Variants in PLCB2 observed in about 807,000 individuals in gnomAD.
The protein encoded by PLCB2 is 1-phosphatidylinositol 4,5-bisphosphate phosphodiesterase beta-2.
PLCB2 carries 115 observed loss-of-function variants against 141.7 expected under a neutral mutation model. The observed-to-expected ratio is 0.81, with a 90% CI of 0.70 to 0.95. The LOEUF (loss-of-function observed/expected upper bound fraction) is 0.95, where lower values mean the gene tolerates loss of function less well. PLCB2 is among the 40% of genes least tolerant of loss of function. The probability of loss-of-function intolerance (pLI) is 0.00; values close to 1 mark genes in which losing one functional copy is unlikely to be tolerated. For missense variants in PLCB2, 1,403 were observed against 1,541.1 expected, an observed-to-expected ratio of 0.91 and a Z score of 1.50; for synonymous variants, 603 against 595.6, an observed-to-expected ratio of 1.01 and a Z score of -0.18.
downstream of PLCB2, chr15:40,284,487 C>G (rs1172477635): frequency 2.2e-6 from 1 of 455,942 alleles, no homozygotes; most frequent in Non-Finnish European, 4.4e-6. Flanking sequence ...GGAGAGGGCT[C>G]TCGGGCCTTT....
At chr15:40,299,983 T>C (rs184776910) in intron 7 of PLCB2, among the ~76,000 whole-genome samples, 1 of 152,158 alleles carries the variant, frequency 6.6e-6, no homozygotes, top group Non-Finnish European at 1.5e-5. Context: ...CACAATGAGA[T>C]ACCACTCCCA....
Position 40,307,585 on chromosome 15 carries a change from T to C in PLCB2, c.84+4A>G. 6.4e-7 allele frequency: 1 copy of C among 1,574,270 alleles called. No individual in the cohort carries two copies. The highest frequency in any genetic ancestry group is 8.7e-7 in the Non-Finnish European group (1 of 1,154,522). On this transcript the variant is annotated splice_donor_region_variant and intron_variant, in intron 1 of 31. Transcript: ENST00000260402. ...CCAGCAGCTGAGGCCCCTGCCCCAC[T>C]TACATCATCCCATTTGATGAAGCGC...
Position 40,288,694 on chromosome 15 carries a change from T to C in PLCB2, c.*21A>G, listed in dbSNP as rs1341523980. The C allele has an allele frequency of 6.4e-7, 1 of 1,552,326 alleles. No individual in the cohort carries two copies. The highest frequency in any genetic ancestry group is 1.7e-4 in the Middle Eastern group (1 of 5,770). On this transcript the variant is annotated 3_prime_UTR_variant, in exon 32 of 32. Transcript: ENST00000260402. ...GAAGGGGCTGAACCTCCTTGCTAAATGTCCCAGTGGGATGGGGGCATCAGA... is the reference window on the plus strand; with the variant it reads ...GAAGGGGCTGAACCTCCTTGCTAAACGTCCCAGTGGGATGGGGGCATCAGA...
At chr15:40,296,443 G>C (rs74699510) in intron 15 of PLCB2, 51 bp from the exon 16 acceptor site, 2 of 1,613,210 alleles carry the variant, frequency 1.2e-6, no homozygotes, top group East Asian at 2.2e-5. Context: ...CAGAGCCCAG[G>C]AATGGGGCCC....
rs2040356315 is a variant in PLCB2, at chr15:40,298,654, A to G, written c.905T>C (p.Val302Ala). 1.2e-6 allele frequency: 2 copies of G among 1,614,178 alleles called. No homozygotes were observed. The highest frequency in any genetic ancestry group is 4.5e-5 in the East Asian group (2 of 44,888). Residue 302 changes from valine to alanine, a missense_variant, in exon 10 of 32, where the codon GTG (valine) becomes GCG (alanine). Physicochemically the swap from Val to Ala is moderately conservative, Grantham distance 64. Around this residue, in one of 4 missense-constraint regions of PLCB2, gnomAD observed 975 missense variants for 1,141.1 expected, o/e 0.85. Transcript: ENST00000260402. ...GAGCAGCAGCTTGTCCTGGGCCAGC[A>G]CGCTGTTCTCTGGCCCACAGAGAAA... ...VWFLCGPENS[V>A]LAQDKLLLHH... is the part of the protein sequence containing the mutation.
intron 7 of PLCB2, 160 bp from the exon 8 acceptor site, chr15:40,299,388 G>A (rs2141130145): frequency 1.7e-6 from 1 of 586,588 alleles, no homozygotes; most frequent in Non-Finnish European, 3.1e-6. Context: ...CAAGGCCCTG[G>A]TTGCTGAGCA....
chr15:40,306,948 A>T (rs1297037036), intron 1 of PLCB2, among the ~76,000 whole-genome samples: 2 of 152,230 alleles, frequency 1.3e-5, no homozygotes. Flanking sequence ...CACAGCAGAG[A>T]GAGGGCTGCA....
At chr15:40,291,775 A>C in intron 24 of PLCB2, 74 bp downstream of exon 24, 2 of 1,609,120 alleles carry the variant, frequency 1.2e-6, no homozygotes, top group Non-Finnish European at 1.7e-6. Flanking sequence ...CCTAGGTGAA[A>C]TTTTTTAAAG....
At chr15:40,284,660 T>G (rs1448218999), downstream of PLCB2, 6 of 426,012 alleles carry the variant, frequency 1.4e-5, no homozygotes. Context: ...GCCAACATGG[T>G]GAAACCCCGT....
At position 40,302,619 on chromosome 15, in the gene PLCB2, G is replaced by C; in HGVS notation, c.232-10C>G. On this transcript the variant is annotated splice_polypyrimidine_tract_variant and intron_variant, in intron 3 of 31. Transcript: ENST00000260402. Reference sequence around the variant, plus strand: ...CCCGGAGCTTCTGGCTCTGCAGCACGTGGTGGTATGGTTAGGATGGAGGTG... The same window carrying C: ...CCCGGAGCTTCTGGCTCTGCAGCACCTGGTGGTATGGTTAGGATGGAGGTG... The C allele has an allele frequency of 1.2e-6, 2 of 1,613,942 alleles. No individual in the cohort carries two copies. The highest frequency in any genetic ancestry group is 2.2e-5 in the South Asian group (2 of 91,038).
At position 40,291,293 on chromosome 15, in the gene PLCB2, C is replaced by G. The variant is rs1387997547; in HGVS notation, c.2842G>C (p.Gly948Arg). The change falls in exon 26 of 32, where the codon GGT (glycine) becomes CGT (arginine). Residue 948 changes from glycine to arginine, a missense_variant. This residue lies in a region of PLCB2 where 290 missense variants were observed against 245.9 expected (regional missense o/e 1.18). Coordinates refer to ENST00000260402, the MANE Select transcript of PLCB2 (RefSeq NM_004573.3). Reference protein sequence around the residue: ...GVGGVGACKLGPGKGSRKKRS... With the variant: ...GVGGVGACKLRPGKGSRKKRS... ...TTCTTGCGAGAGCCCTTGCCGGGAC[C>G]GAGCTTGCAGGCCCCGACGCCCCCC... is the stretch of plus-strand genomic sequence containing the variant. 6.4e-7 allele frequency: 1 copy of G among 1,560,510 alleles called. No homozygotes were observed. The highest frequency in any genetic ancestry group is 1.2e-5 in the South Asian group (1 of 86,200).
downstream of PLCB2, among the ~76,000 whole-genome samples, chr15:40,284,737 G>T (rs1425577206): frequency 6.7e-6 from 1 of 150,332 alleles, no homozygotes; most frequent in African/African-American, 2.4e-5. Context: ...CTACTTGGGA[G>T]GCTGACGCAG....
At chr15:40,299,997 G>A (rs2040427559) in intron 7 of PLCB2, among the ~76,000 whole-genome samples, 1 of 152,166 alleles carries the variant, frequency 6.6e-6, no homozygotes, top group African/African-American at 2.4e-5. Flanking sequence ...ACTCCCACTA[G>A]GATGGCTAAA....
chr15:40,305,944 T>G (rs2040772169), intron 1 of PLCB2, among the ~76,000 whole-genome samples: 1 of 152,062 alleles, frequency 6.6e-6, no homozygotes, highest in African/African-American at 2.4e-5. Context: ...AAGATGTCAG[T>G]GTAAATAAAG....
Position 40,289,249 on chromosome 15 carries a change from G to T in PLCB2, c.3354+23C>A, listed in dbSNP as rs369586957. 650 of 1,590,566 alleles carry T rather than the reference G, an allele frequency of 4.1e-4. 9 individuals are homozygous for T. Among genetic ancestry groups the T allele is most frequent in the South Asian group, 4.0e-3 (358 of 90,570 alleles). ...CCGGAACCCATTCAGTTCTGCTGGG[G>T]GTCCCAGTAGTGAACCTGTTACCTG... On this transcript the variant is annotated intron_variant, in intron 31 of 31. Transcript: ENST00000260402.
intron 7 of PLCB2, among the ~76,000 whole-genome samples, chr15:40,300,113 G>A (rs1372536202): frequency 4.6e-5 from 7 of 152,232 alleles, no homozygotes; most frequent in Middle Eastern, 3.4e-3. Context: ...TCAGGAGTTC[G>A]AGACCAGCCT....
rs567946906 is a variant in PLCB2 at position 40,291,420 on chromosome 15, G to T, written c.2715C>A (p.His905Gln). 1.9e-6 allele frequency: 3 copies of T among 1,538,642 alleles called. No individual in the cohort carries two copies. Among genetic ancestry groups the T allele is most frequent in the African/African-American group, 1.4e-5 (1 of 73,196 alleles). Residue 905 changes from histidine to glutamine, a missense_variant, in exon 26 of 32, where the codon CAC (histidine) becomes CAA (glutamine). Transcript: ENST00000260402. ...GCTCCAACTCTCGCAGCTCCTTCTC[G>T]TGCCGCCGCTGCAGCTTCACCACGC... is the stretch of plus-strand genomic sequence containing the variant. ...LKGVVKLQRR[H>Q]EKELRELERR...
intron 15 of PLCB2, 54 bp from the exon 16 acceptor site, chr15:40,296,446 TG>T: frequency 6.2e-7 from 1 of 1,613,152 alleles, no homozygotes; most frequent in Non-Finnish European, 8.5e-7. Context: ...AGCCCAGGAA[TG>T]GGGCCCAAGG....
chr15:40,300,504 C>A (rs577116921), intron 7 of PLCB2, among the ~76,000 whole-genome samples: 2 of 152,200 alleles, frequency 1.3e-5, no homozygotes, highest in African/African-American at 4.8e-5. Flanking sequence ...GTACAAAAAA[C>A]CCAAACATCT....
Sources: allele counts gnomAD v4.1 joint callset (sites outside exome capture counted in the v4.1 genomes callset), GRCh38; gene constraint gnomAD v4.1.1; regional missense constraint gnomAD v4.1.1; transcripts MANE v1.5; gene names NCBI Gene and HGNC (gene_info 2026-07-23, HGNC 2026-07-21).